TRDN: variants seen among roughly 807,000 people sequenced by gnomAD.
The protein encoded by TRDN is triadin in skeletal muscle.
TRDN carries 161 observed loss-of-function variants against 149.7 expected under a neutral mutation model. The observed-to-expected ratio is 1.08, with a 90% confidence interval of 0.95 to 1.23. The LOEUF is 1.23. TRDN is among the 50% of genes most tolerant of loss of function. The probability of loss-of-function intolerance (pLI) is 0.00; values close to 1 mark genes in which losing one functional copy is unlikely to be tolerated. For missense variants in TRDN, 896 were observed against 823.5 expected, an observed-to-expected ratio of 1.09 and a Z score of -1.08; for synonymous variants, 294 against 250.5, an observed-to-expected ratio of 1.17 and a Z score of -1.64.
intron 1 of TRDN, among the ~76,000 whole-genome samples, chr6:123,593,233 AATC>A (rs1322247169): frequency 2.0e-5 from 3 of 152,210 alleles, no homozygotes; most frequent in African/African-American, 7.2e-5. Context: ...TGAAACTGAA[AATC>A]ATCACACAAG....
At chr6:123,633,404 T>C (rs1786119291) in intron 1 of TRDN, among the ~76,000 whole-genome samples, 1 of 152,032 alleles carries the variant, frequency 6.6e-6, no homozygotes, top group Non-Finnish European at 1.5e-5. Flanking sequence ...TGGTCAGGCA[T>C]GGGTATGAAT....
At chr6:123,277,580 C>A (rs1777416449) in intron 26 of TRDN, among the ~76,000 whole-genome samples, 2 of 152,042 alleles carry the variant, frequency 1.3e-5, no homozygotes, top group Admixed American at 1.3e-4. Flanking sequence ...GCTAGAGACA[C>A]AAAGGGAGAA....
chr6:123,628,189 T>G (rs1785776442), intron 1 of TRDN, among the ~76,000 whole-genome samples: 1 of 152,214 alleles, frequency 6.6e-6, no homozygotes, highest in African/African-American at 2.4e-5. Flanking sequence ...CCTTCCTCAG[T>G]AAGCTTAATT....
chr6:123,288,206 G>A (rs1235064715), intron 24 of TRDN, among the ~76,000 whole-genome samples: 4 of 151,952 alleles, frequency 2.6e-5, no homozygotes, highest in African/African-American at 9.7e-5. Flanking sequence ...GAAAGAAATT[G>A]GGCTCTTATT....
At chr6:123,528,029 C>T (rs1298109220) in intron 5 of TRDN, among the ~76,000 whole-genome samples, 2 of 151,838 alleles carry the variant, frequency 1.3e-5, no homozygotes, top group Non-Finnish European at 2.9e-5. Flanking sequence ...CCATAAACTG[C>T]TGCATTCTTC....
At chr6:123,547,470 A>G (rs754882111) in intron 3 of TRDN, 98 bp from the exon 4 acceptor site, 11 of 723,624 alleles carry the variant, frequency 1.5e-5, no homozygotes, top group Non-Finnish European at 2.1e-5. Flanking sequence ...AAAAAAATCT[A>G]TTAGTTTTAA....
At chr6:123,447,984 ATGGGC>A (rs1280710240) in intron 10 of TRDN, among the ~76,000 whole-genome samples, 22 of 152,120 alleles carry the variant, frequency 1.4e-4, no homozygotes, top group Non-Finnish European at 3.1e-4. Context: ...GTAGAAAATG[ATGGGC>A]TGTTTGCAGG....
intron 20 of TRDN, among the ~76,000 whole-genome samples, chr6:123,360,753 G>C (rs1780871204): frequency 6.6e-6 from 1 of 151,952 alleles, no homozygotes; most frequent in Non-Finnish European, 1.5e-5. Flanking sequence ...CAGGGAGAGA[G>C]AGAGAGGTGT....
intron 10 of TRDN, among the ~76,000 whole-genome samples, chr6:123,457,058 T>C (rs988390302): frequency 6.6e-6 from 1 of 152,234 alleles, no homozygotes; most frequent in Admixed American, 6.5e-5. Context: ...TAGAATTCCA[T>C]AACAAGAAAG....
At chr6:123,525,412 A>T (rs1372095565) in intron 5 of TRDN, among the ~76,000 whole-genome samples, 1 of 152,112 alleles carries the variant, frequency 6.6e-6, no homozygotes, top group Non-Finnish European at 1.5e-5. Context: ...AGCAACATGG[A>T]TAGAGCGGGA....
chr6:123,307,719 T>A (rs1562254857), intron 24 of TRDN, among the ~76,000 whole-genome samples: 1 of 152,008 alleles, frequency 6.6e-6, no homozygotes, highest in African/African-American at 2.4e-5. Context: ...TTCCTGAAAG[T>A]GTTTCCACTT....
chr6:123,435,496 GTCTC>G (rs34601296), intron 12 of TRDN, among the ~76,000 whole-genome samples: 19,330 of 148,574 alleles, frequency 0.13, 1,623 homozygotes, highest in South Asian at 0.31. Flanking sequence ...CAATCTCTCT[GTCTC>G]TCTCTCTCTC....
At chr6:123,317,744 A>C (rs1779080187) in intron 23 of TRDN, among the ~76,000 whole-genome samples, 1 of 151,958 alleles carries the variant, frequency 6.6e-6, no homozygotes, top group South Asian at 2.1e-4. Flanking sequence ...TTTGTTTATT[A>C]CTCAAATATC....
intron 23 of TRDN, among the ~76,000 whole-genome samples, chr6:123,324,295 A>C (rs753300381): frequency 9.4e-4 from 143 of 152,250 alleles, no homozygotes; most frequent in Non-Finnish European, 1.0e-3. Flanking sequence ...GAAGACTTAC[A>C]GTAGAAATAA....
intron 2 of TRDN, among the ~76,000 whole-genome samples, chr6:123,553,917 G>C (rs1293354949): frequency 6.6e-6 from 1 of 152,080 alleles, no homozygotes; most frequent in East Asian, 1.9e-4. Flanking sequence ...TCAGCATAGA[G>C]GGCAGATAAT....
chr6:123,313,821 T>A (rs147531302), intron 24 of TRDN, among the ~76,000 whole-genome samples: 69 of 152,156 alleles, frequency 4.5e-4, no homozygotes, highest in Non-Finnish European at 7.9e-4. Flanking sequence ...CTGGACCCCT[T>A]CTTTAGACCA....
intron 24 of TRDN, among the ~76,000 whole-genome samples, chr6:123,283,265 T>C (rs943293423): frequency 2.0e-5 from 3 of 151,896 alleles, no homozygotes; most frequent in African/African-American, 7.2e-5. Context: ...TTCTTTGAAC[T>C]CAATGATAAT....
At chr6:123,435,273 G>T (rs1052235860) in intron 12 of TRDN, among the ~76,000 whole-genome samples, 3 of 151,910 alleles carry the variant, frequency 2.0e-5, no homozygotes, top group African/African-American at 7.3e-5. Flanking sequence ...GCTCTGCCAT[G>T]TTCCTCTACT....
chr6:123,542,884 G>C (rs991555857), intron 4 of TRDN, among the ~76,000 whole-genome samples: 6 of 148,988 alleles, frequency 4.0e-5, no homozygotes, highest in East Asian at 3.9e-4. Context: ...GTGTGTGTGT[G>C]TGTCTGTCTG....
Sources: gnomAD v4.1 joint callset for allele counts (sites outside exome capture counted in the v4.1 genomes callset) on GRCh38, gnomAD v4.1.1 for gene constraint, MANE v1.5 for transcripts, NCBI Gene and HGNC (gene_info 2026-07-23, HGNC 2026-07-21) for gene names.